Variants in ENDOU observed in about 807,000 individuals in gnomAD.
ENDOU encodes endonuclease, poly(U) specific, also known as uridylate-specific endoribonuclease.
ENDOU carries 49 observed loss-of-function variants against 54.2 expected under a neutral mutation model. The observed-to-expected ratio is 0.90, with a 90% confidence interval of 0.72 to 1.15. The LOEUF is 1.15. Among genes scored for constraint, ENDOU ranks in the 50% most tolerant of loss-of-function variants. The pLI is 0.00. For synonymous variants in ENDOU, 172 were observed against 190.5 expected (o/e 0.90, Z 0.80); for missense variants, 458 against 511.4 (o/e 0.90, Z 1.01).
At position 47,711,631 on chromosome 12, in the gene ENDOU, AC is replaced by A; in HGVS notation, c.1115+1del. 6.2e-7 allele frequency: 1 copy of A among 1,612,870 alleles called. No homozygotes were observed. The highest frequency in any genetic ancestry group is 8.5e-7 in the Non-Finnish European group (1 of 1,179,670). ...CCCAGGCCTGGCTGGCCCCATTCTT[AC>A]ACTTTGCCTGGCCTGGCGATGAAGC... is the stretch of plus-strand genomic sequence containing the variant. On this transcript the variant is annotated splice_donor_variant, in intron 9 of 9. Coordinates refer to ENST00000422538, the MANE Select transcript of ENDOU (RefSeq NM_001172439.2). LOFTEE classifies it high-confidence loss of function.
Position 47,720,844 on chromosome 12 carries a change from A to G in ENDOU, c.87T>C (p.Asn29=), listed in dbSNP as rs542259064. 3 of 1,535,106 alleles carry G rather than the reference A, an allele frequency of 2.0e-6. No individual in the cohort carries two copies. In the South Asian group the frequency reaches 3.6e-5, roughly 18 times the overall value. The change falls in exon 2 of 10, where the codon AAT becomes AAC. Residue 29 remains asparagine (N), a synonymous_variant. Coordinates refer to ENST00000422538, the MANE Select transcript of ENDOU (RefSeq NM_001172439.2). ...GKIESCASRC[N]EKFNRDAACQ... ...AGGCAGCGTCCCGGTTAAATTTCTC[A>G]TTACATCGAGATGCACAGGATTCTA...
chr12:47,712,669 C>G (rs1400023800), intron 7 of ENDOU, 47 bp from the exon 8 acceptor site: 1 of 1,404,144 alleles, frequency 7.1e-7, no homozygotes, highest in Admixed American at 1.8e-5. Context: ...CTTCCCCACC[C>G]TCCCCTCCAA....
intron 1 of ENDOU, among the ~76,000 whole-genome samples, chr12:47,724,337 G>T (rs1000344496): frequency 6.6e-6 from 1 of 152,192 alleles, no homozygotes; most frequent in African/African-American, 2.4e-5. Context: ...CTCATCCATG[G>T]TTGGGAGGCA....
intron 1 of ENDOU, among the ~76,000 whole-genome samples, chr12:47,725,147 C>T (rs2136697561): frequency 6.6e-6 from 1 of 152,350 alleles, no homozygotes; most frequent in Middle Eastern, 3.4e-3. Flanking sequence ...AGACCATCAG[C>T]CCTGCAACTC....
intron 4 of ENDOU, among the ~76,000 whole-genome samples, 179 bp downstream of exon 4, chr12:47,717,339 G>A (rs1592508320): frequency 6.6e-6 from 1 of 152,200 alleles, no homozygotes; most frequent in Non-Finnish European, 1.5e-5. Context: ...GGTAGTACAG[G>A]ACAGTGAGTC....
intron 6 of ENDOU, 147 bp downstream of exon 6, chr12:47,716,153 C>T (rs1008708066): frequency 1.3e-6 from 1 of 780,546 alleles, no homozygotes; most frequent in Admixed American, 2.2e-5. Context: ...TCCCCCTGGC[C>T]TCATCCCTCA....
In ENDOU at chr12:47,710,861, A is replaced by G. The variant is rs756418439; in HGVS notation, c.1174T>C (p.Ser392Pro). The G allele has an allele frequency of 1.2e-5, 19 of 1,614,138 alleles. No individual in the cohort carries two copies. The change falls in exon 10 of 10, where the codon TCC (serine) becomes CCC (proline). Residue 392 changes from serine (S) to proline (P), a missense_variant. Ser to Pro is a moderately conservative substitution (Grantham distance 74). Transcript: ENST00000422538. ...TACTTCTTGCCATTCCCATAGGTGG[A>G]CTTGTCCCAGGTATATGTCCGGACA... ...LAVRTYTWDK[S>P]TYGNGKKYIA...
In ENDOU at chr12:47,720,867, C is replaced by G; in HGVS notation, c.64G>C (p.Glu22Gln). 1 of 1,536,100 alleles carries G rather than the reference C, an allele frequency of 6.5e-7. No homozygotes were observed. Residue 22 changes from glutamate (E) to glutamine (Q), a missense_variant, in exon 2 of 10, where the codon GAA becomes CAA. Physicochemically the swap from Glu to Gln is conservative, Grantham distance 29. Transcript: ENST00000422538. ...TCATTACATCGAGATGCACAGGATT[C>G]TATTTTTCCTATGGGCAGTAAAGGT... ...LCGLAWAGKI[E>Q]SCASRCNEKF...
At position 47,710,721 on chromosome 12, in the gene ENDOU, C is replaced by G. The variant is rs773049668; in HGVS notation, c.*81G>C. 10 of 961,318 alleles carry G rather than the reference C, an allele frequency of 1.0e-5. No individual in the cohort carries two copies. In the South Asian group the frequency reaches 1.0e-4, roughly 10 times the overall value. The allele number at this position is 961,318 out of a possible 1,614,324, so 59.5% of individuals were successfully genotyped here. On this transcript the variant is annotated 3_prime_UTR_variant, in exon 10 of 10. Coordinates refer to ENST00000422538, the MANE Select transcript of ENDOU (RefSeq NM_001172439.2). ...AGATTTGGTGATCCCTTCCAGTCCT[C>G]TCCCTCTTCTCTCTAGTCCAGAGAA... is the stretch of plus-strand genomic sequence containing the variant.
Position 47,711,764 on chromosome 12 carries a change from G to T in ENDOU, c.984C>A (p.Tyr328Ter), listed in dbSNP as rs765481443. Residue 328 changes from tyrosine to a stop codon, truncating the protein, a stop_gained, in exon 9 of 10, where the codon TAC becomes TAA. Transcript: ENST00000422538. LOFTEE classifies it high-confidence loss of function. ...SHIYDGPWDS[Y>*]PDVLAMQFNW... ...TGAACTGCATTGCCAGCACATCGGG[G>T]TAAGAATCCCACTGTGGAGGGAAGG... 27 of 1,614,072 alleles carry T rather than the reference G, an allele frequency of 1.7e-5. No individual in the cohort carries two copies. Among genetic ancestry groups the T allele is most frequent in the Non-Finnish European group, 2.1e-5 (25 of 1,180,050 alleles).
At position 47,710,852 on chromosome 12, in the gene ENDOU, C is replaced by T; in HGVS notation, c.1183G>A (p.Gly395Arg). 1 of 1,614,126 alleles carries T rather than the reference C, an allele frequency of 6.2e-7. No homozygotes were observed. The highest frequency in any genetic ancestry group is 8.5e-7 in the Non-Finnish European group (1 of 1,179,994). ...RTYTWDKSTY[G>R]NGKKYIATAY... ...GTGGCGATGTACTTCTTGCCATTCC[C>T]ATAGGTGGACTTGTCCCAGGTATAT... Residue 395 changes from glycine (G) to arginine (R), a missense_variant, in exon 10 of 10, where the codon GGG becomes AGG. Transcript: ENST00000422538.
At chr12:47,711,245 C>T (rs143787607) in intron 9 of ENDOU, among the ~76,000 whole-genome samples, 2 of 152,296 alleles carry the variant, frequency 1.3e-5, no homozygotes, top group Admixed American at 1.3e-4. Flanking sequence ...AAGAACTCAA[C>T]GTGTCCGAAT....
At chr12:47,710,990 A>C in intron 9 of ENDOU, 71 bp from the exon 10 acceptor site, 5 of 1,007,724 alleles carry the variant, frequency 5.0e-6, no homozygotes, top group Non-Finnish European at 6.1e-6. Context: ...TGGAAGGATC[A>C]AGCCCAACTG....
At chr12:47,714,689 A>G (rs1371463467) in intron 6 of ENDOU, among the ~76,000 whole-genome samples, 1 of 152,222 alleles carries the variant, frequency 6.6e-6, no homozygotes, top group African/African-American at 2.4e-5. Flanking sequence ...AGACCCAGAG[A>G]GGAGCAGGTA....
intron 1 of ENDOU, among the ~76,000 whole-genome samples, chr12:47,721,747 G>T (rs1422528719): frequency 6.6e-6 from 1 of 152,216 alleles, no homozygotes; most frequent in Non-Finnish European, 1.5e-5. Flanking sequence ...AAGACATTTT[G>T]AAGGAACAGT....
intron 4 of ENDOU, 39 bp downstream of exon 4, chr12:47,717,476 CCTT>C (rs1459663227): frequency 6.2e-7 from 1 of 1,604,578 alleles, no homozygotes; most frequent in East Asian, 2.2e-5. Context: ...GCTCTAAAGT[CCTT>C]CTGTCTCTGC....
Position 47,720,761 on chromosome 12 carries a change from A to G in ENDOU, c.170T>C (p.Leu57Pro). The change falls in exon 2 of 10, where the codon CTG becomes CCG. Residue 57 changes from leucine to proline, a missense_variant. Leu to Pro is a moderately conservative substitution (Grantham distance 98). Transcript: ENST00000422538. Reference protein sequence around the residue: ...HGNCCEDYEHLCTEDHKESEP... With the variant: ...HGNCCEDYEHPCTEDHKESEP... ...CTCACAAGGAGGCTCACCAGTACAC[A>G]GATGTTCATAGTCTTCACAGCAGTT... The G allele has an allele frequency of 6.5e-7, 1 of 1,536,124 alleles. No individual in the cohort carries two copies.
chr12:47,716,771 A>ATTTTTTTTT, intron 5 of ENDOU, 119 bp downstream of exon 5: 1 of 1,074,224 alleles, frequency 9.3e-7, no homozygotes, highest in Admixed American at 2.4e-5. Flanking sequence ...CTGGAGAACT[A>ATTTTTTTTT]TTTTTTTTCT....
At chr12:47,723,899 T>G (rs1020523725) in intron 1 of ENDOU, among the ~76,000 whole-genome samples, 5 of 152,216 alleles carry the variant, frequency 3.3e-5, no homozygotes, top group Admixed American at 1.3e-4. Flanking sequence ...GACCTGAGGC[T>G]GTCAGTGATT....
Sources: allele counts gnomAD v4.1 joint callset (sites outside exome capture counted in the v4.1 genomes callset), GRCh38; gene constraint gnomAD v4.1.1; transcripts MANE v1.5; gene names NCBI Gene and HGNC (gene_info 2026-07-23, HGNC 2026-07-21).